The following NRG3 variants were observed in gnomAD, a reference collection of about 807,000 sequenced individuals.
NRG3 encodes the protein neuregulin 3.
In NRG3, 31 loss-of-function variants were observed where a neutral mutation model predicts 66.9. The observed-to-expected ratio is 0.46, with a 90% confidence interval of 0.35 to 0.63. The LOEUF (loss-of-function observed/expected upper bound fraction) is 0.63. NRG3 is among the 20% of genes least tolerant of loss of function. The pLI, the probability that NRG3 is intolerant of heterozygous loss-of-function variation, is 0.00. For synonymous variants in NRG3, 393 were observed against 359.4 expected (o/e 1.09, Z -1.06); for missense variants, 910 against 878.9 (o/e 1.04, Z -0.45).
intron 1 of NRG3, among the ~76,000 whole-genome samples, chr10:82,314,575 G>A (rs1312306294): frequency 2.0e-5 from 3 of 152,100 alleles, no homozygotes; most frequent in Non-Finnish European, 4.4e-5. Context: ...TTGGGAGGCC[G>A]AGGCAGGTGG....
chr10:82,637,736 A>G (rs768814794), intron 2 of NRG3, among the ~76,000 whole-genome samples: 4 of 152,232 alleles, frequency 2.6e-5, no homozygotes, highest in South Asian at 2.1e-4. Flanking sequence ...ACAGCTAAGT[A>G]CAATGCTTAC....
intron 2 of NRG3, among the ~76,000 whole-genome samples, chr10:82,378,674 G>A (rs1226381740): frequency 1.3e-5 from 2 of 151,900 alleles, no homozygotes; most frequent in African/African-American, 2.4e-5. Flanking sequence ...GGGTTCAAGC[G>A]ATTCTCCTGT....
intron 3 of NRG3, among the ~76,000 whole-genome samples, chr10:82,808,041 AG>A (rs1312763575): frequency 1.3e-5 from 2 of 152,096 alleles, no homozygotes; most frequent in African/African-American, 4.8e-5. Context: ...CATTATCGTA[AG>A]GGGGTAGATG....
At chr10:82,782,784 G>A (rs976026503) in intron 3 of NRG3, among the ~76,000 whole-genome samples, 21 of 152,266 alleles carry the variant, frequency 1.4e-4, no homozygotes, top group African/African-American at 5.1e-4. Flanking sequence ...GAGGTACAAG[G>A]AGGAACTGGT....
At chr10:82,110,342 A>G (rs900956293) in intron 1 of NRG3, among the ~76,000 whole-genome samples, 2 of 152,140 alleles carry the variant, frequency 1.3e-5, no homozygotes, top group African/African-American at 2.4e-5. Flanking sequence ...TGTTAGAGAG[A>G]TAACAGGAGA....
chr10:81,895,821 G>A (rs945166149), intron 1 of NRG3, among the ~76,000 whole-genome samples: 1 of 152,116 alleles, frequency 6.6e-6, no homozygotes, highest in African/African-American at 2.4e-5. Context: ...CCTTAGATTA[G>A]GCTGCTTTGA....
intron 2 of NRG3, among the ~76,000 whole-genome samples, chr10:82,487,679 G>A (rs1842791880): frequency 6.6e-6 from 1 of 152,018 alleles, no homozygotes; most frequent in Non-Finnish European, 1.5e-5. Flanking sequence ...AAAAGAAAAG[G>A]CATTTGCCTT....
rs781144324 is a variant in NRG3 at position 81,875,988 on chromosome 10, A to G, written c.648A>G (p.Pro216=). Residue 216 remains proline, a synonymous_variant, in exon 1 of 9, where the codon CCA becomes CCG. Transcript: ENST00000372141. This position sits in a 1 kb window ranked among gnomAD's most constrained non-coding sequence, Gnocchi z 5.3. ...CCCGACCCCCGGTGCCAGGAACTCC[A>G]AGTACCCAGGCAATGCCCTCCTGGC... ...LGSRPPVPGT[P]STQAMPSWPT... 1.2e-6 allele frequency: 2 copies of G among 1,613,940 alleles called. No homozygotes were observed. Among genetic ancestry groups the G allele is most frequent in the Non-Finnish European group, 1.7e-6 (2 of 1,179,978 alleles).
chr10:82,433,849 T>C (rs2089971472), intron 2 of NRG3, among the ~76,000 whole-genome samples: 1 of 152,188 alleles, frequency 6.6e-6, no homozygotes, highest in Non-Finnish European at 1.5e-5. Context: ...TTGGTTGCTG[T>C]AGTCTTGTAG....
At chr10:82,862,476 G>C (rs2064182630) in intron 3 of NRG3, among the ~76,000 whole-genome samples, 1 of 152,142 alleles carries the variant, frequency 6.6e-6, no homozygotes, top group Admixed American at 6.5e-5. Flanking sequence ...ATATGTGTTA[G>C]AGCATGTAGA....
At chr10:82,875,647 C>T (rs1281208237) in intron 4 of NRG3, among the ~76,000 whole-genome samples, 3 of 152,132 alleles carry the variant, frequency 2.0e-5, no homozygotes, top group Non-Finnish European at 2.9e-5. Flanking sequence ...CGTGAGCCAA[C>T]GTGCCTGGCC....
At chr10:82,513,517 C>T (rs995566524) in intron 2 of NRG3, among the ~76,000 whole-genome samples, 3 of 152,196 alleles carry the variant, frequency 2.0e-5, no homozygotes, top group South Asian at 2.1e-4. Flanking sequence ...TTTAAGGAGT[C>T]TCCACACTGT....
At chr10:82,407,542 G>A (rs898681170) in intron 2 of NRG3, among the ~76,000 whole-genome samples, 3 of 152,154 alleles carry the variant, frequency 2.0e-5, no homozygotes, top group Non-Finnish European at 2.9e-5. Flanking sequence ...TCATAAAGAA[G>A]GTGTGAAGAG....
intron 1 of NRG3, among the ~76,000 whole-genome samples, chr10:81,955,682 C>T (rs2092862): frequency 0.46 from 70,011 of 151,998 alleles, 20,032 homozygotes; most frequent in African/African-American, 0.77. Context: ...AAGTTGATAC[C>T]TTTGAGGAAT....
At chr10:82,771,762 C>G (rs1442925930) in intron 3 of NRG3, among the ~76,000 whole-genome samples, 4 of 152,056 alleles carry the variant, frequency 2.6e-5, no homozygotes, top group Non-Finnish European at 5.9e-5. Context: ...ATCAAATTGT[C>G]CATCTCAATA....
At chr10:82,764,617 CCTCCCAAAGTG>C (rs1224945432) in intron 3 of NRG3, among the ~76,000 whole-genome samples, 14 of 151,818 alleles carry the variant, frequency 9.2e-5, no homozygotes, top group Non-Finnish European at 1.5e-4. Flanking sequence ...CCCACCTCAG[CCTCCCAAAGTG>C]CTCCCAAAGT....
intron 1 of NRG3, among the ~76,000 whole-genome samples, chr10:82,222,419 A>T (rs1352427020): frequency 1.3e-5 from 2 of 152,110 alleles, no homozygotes; most frequent in Admixed American, 1.3e-4. Flanking sequence ...CAAGTATTCC[A>T]TATGGGACAG....
chr10:82,153,642 GT>G (rs1331378926), intron 1 of NRG3, among the ~76,000 whole-genome samples: 2 of 152,004 alleles, frequency 1.3e-5, no homozygotes, highest in East Asian at 3.9e-4. Context: ...CCACTACACT[GT>G]TTTCCATAGT....
intron 1 of NRG3, among the ~76,000 whole-genome samples, chr10:82,222,229 A>G (rs1174444070): frequency 2.6e-5 from 4 of 152,006 alleles, no homozygotes; most frequent in Admixed American, 2.6e-4. Context: ...AAACTTCAAT[A>G]TTATCTGGTG....
Sources: gnomAD v4.1 joint callset for allele counts (sites outside exome capture counted in the v4.1 genomes callset) on GRCh38, gnomAD v4.1.1 for gene constraint, Gnocchi (gnomAD v3.1) non-coding constraint, MANE v1.5 for transcripts, NCBI Gene and HGNC (gene_info 2026-07-23, HGNC 2026-07-21) for gene names.